Variants in MYO9A observed in about 807,000 individuals in gnomAD.
The protein encoded by MYO9A is myosin IXA.
MYO9A carries 103 observed loss-of-function variants against 293.3 expected under a neutral mutation model. The ratio of observed to expected loss-of-function variants is 0.35; its 90% CI spans 0.30 to 0.41. The LOEUF (loss-of-function observed/expected upper bound fraction) is 0.41. MYO9A is among the 10% of genes least tolerant of loss of function. The pLI is 1.00. For synonymous variants in MYO9A, 1,001 were observed against 1,035.7 expected (o/e 0.97, Z 0.64); for missense variants, 2,685 against 3,033.0 (o/e 0.89, Z 2.69).
chr15:71,991,848 G>T (rs2148413747), intron 10 of MYO9A, among the ~76,000 whole-genome samples: 1 of 152,230 alleles, frequency 6.6e-6, no homozygotes, highest in East Asian at 1.9e-4. Context: ...CTGCCACCGG[G>T]GTTCATGCGA....
In MYO9A at chr15:71,880,452, C is replaced by G; in HGVS notation, c.5505G>C (p.Lys1835Asn). Reference protein sequence around the residue: ...NKEPSPKAKRKRSVKISNVAL... With the variant: ...NKEPSPKAKRNRSVKISNVAL... ...CCACGTTGCTAATCTTCACACTTCG[C>G]TTGCGCTTAGCCTTTGGAGAAGGTT... is the stretch of plus-strand genomic sequence containing the variant. Residue 1835 changes from lysine (K) to asparagine (N), a missense_variant, in exon 29 of 42, where the codon AAG (lysine) becomes AAC (asparagine). Lys to Asn is a moderately conservative substitution (Grantham distance 94). Transcript: ENST00000356056. 1 of 1,614,210 alleles carries G rather than the reference C, an allele frequency of 6.2e-7. No individual in the cohort carries two copies. The highest frequency in any genetic ancestry group is 8.5e-7 in the Non-Finnish European group (1 of 1,180,022).
rs779842890 is a variant in MYO9A at position 71,903,996 on chromosome 15, C to T, written c.2810G>A (p.Arg937Gln). 5.0e-6 allele frequency: 8 copies of T among 1,613,836 alleles called. No individual in the cohort carries two copies. The highest frequency in any genetic ancestry group is 1.3e-5 in the African/African-American group (1 of 74,876). The change falls in exon 21 of 42, where the codon CGA becomes CAA. Residue 937 changes from arginine to glutamine, a missense_variant. Around this residue, in one of 10 missense-constraint regions of MYO9A, gnomAD observed 1,434 missense variants for 1,497.7 expected, o/e 0.96. Coordinates refer to ENST00000356056, the MANE Select transcript of MYO9A (RefSeq NM_006901.4). ...AACTGTTTCCAGCATCCCGGTGTAT[C>T]GAAGCTGTCTAAGTACCAAGACATC... ...FSDVLVLRQL[R>Q]YTGMLETVRI...
intron 7 of MYO9A, among the ~76,000 whole-genome samples, chr15:72,008,563 C>T (rs1224454528): frequency 6.6e-6 from 1 of 150,840 alleles, no homozygotes; most frequent in Non-Finnish European, 1.5e-5. Flanking sequence ...TGTGAAACAA[C>T]TTCATATGGA....
At chr15:72,115,365 C>A (rs1474802322) in intron 1 of MYO9A, among the ~76,000 whole-genome samples, 1 of 152,162 alleles carries the variant, frequency 6.6e-6, no homozygotes, top group Admixed American at 6.6e-5. Flanking sequence ...GTCACCTAAA[C>A]TGAACATGTC....
chr15:72,028,443 T>G lies in MYO9A; in HGVS notation c.936-650A>C, dbSNP rs1235776670. Among the ~76,000 whole-genome samples the G allele has an allele frequency of 5.3e-5, 8 of 150,026 alleles. 1 individual carries two copies. Among genetic ancestry groups the G allele is most frequent in the Non-Finnish European group, 1.0e-4 (7 of 67,540 alleles). On this transcript the variant is annotated intron_variant, in intron 3 of 41. Transcript: ENST00000356056. ...AGGGTGGATCACCTGAGGTCAGGAG[T>G]TCGAGACCAGCCTGACCAACATGGA...
chr15:71,898,256 C>A lies in MYO9A; in HGVS notation c.4247G>T (p.Ser1416Ile), dbSNP rs1363849318. The A allele has an allele frequency of 1.2e-6, 2 of 1,613,956 alleles. No individual in the cohort carries two copies. Among genetic ancestry groups the A allele is most frequent in the Non-Finnish European group, 1.7e-6 (2 of 1,180,020 alleles). Residue 1416 changes from serine (S) to isoleucine (I), a missense_variant, in exon 25 of 42, where the codon AGT becomes ATT. This residue lies in a region of MYO9A where 1,434 missense variants were observed against 1,497.7 expected (regional missense o/e 0.96). Coordinates refer to ENST00000356056, the MANE Select transcript of MYO9A (RefSeq NM_006901.4). ...GGGGATATAAAAAAAAGTAGGTAGA[C>A]TATTTGAAATGAAGGAGTCTTTCAG... ...PQLKDSFISNSLPTFFYIPQQ... is the reference protein window; with the variant it reads ...PQLKDSFISNILPTFFYIPQQ...
intron 34 of MYO9A, among the ~76,000 whole-genome samples, 182 bp from the exon 35 acceptor site, chr15:71,854,751 T>C (rs1024398168): frequency 6.6e-6 from 1 of 152,234 alleles, no homozygotes; most frequent in South Asian, 2.1e-4. Flanking sequence ...TCAATCCTTT[T>C]CCACCAGAAT....
At chr15:72,041,170 G>A in intron 2 of MYO9A, 1 of 1,010,668 alleles carries the variant, frequency 9.9e-7, no homozygotes, top group Non-Finnish European at 1.5e-6. Context: ...GCTTAAGCCA[G>A]GGAGGTTGAG....
chr15:71,977,707 G>C (rs1297860949), intron 12 of MYO9A, among the ~76,000 whole-genome samples: 1 of 151,974 alleles, frequency 6.6e-6, no homozygotes, highest in Non-Finnish European at 1.5e-5. Flanking sequence ...TTCAAGTAAT[G>C]AAGCCCATCC....
chr15:71,964,564 G>A (rs1362834768), intron 13 of MYO9A, among the ~76,000 whole-genome samples: 4 of 150,144 alleles, frequency 2.7e-5, no homozygotes, highest in Admixed American at 6.7e-5. Context: ...GGCGGATCAC[G>A]AGGTGAAGAA....
At chr15:71,861,266 C>G (rs892028028) in intron 33 of MYO9A, among the ~76,000 whole-genome samples, 15 of 150,786 alleles carry the variant, frequency 9.9e-5, no homozygotes, top group Admixed American at 9.3e-4. Context: ...CAGTCCTTTC[C>G]TAGTATTTGC....
intron 1 of MYO9A, among the ~76,000 whole-genome samples, chr15:72,100,787 G>A (rs1282273193): frequency 3.3e-5 from 5 of 151,160 alleles, no homozygotes; most frequent in Non-Finnish European, 7.4e-5. Context: ...TGAGAAATGA[G>A]GAGCCTCTCC....
At chr15:71,914,951 T>C (rs16956384) in intron 19 of MYO9A, among the ~76,000 whole-genome samples, 1,930 of 152,260 alleles carry the variant, frequency 0.013, 57 homozygotes, top group Admixed American at 0.058. Context: ...ACTTAACAGC[T>C]TAATAATTCT....
At chr15:72,113,075 A>T (rs940895584) in intron 1 of MYO9A, among the ~76,000 whole-genome samples, 1 of 152,158 alleles carries the variant, frequency 6.6e-6, no homozygotes. Flanking sequence ...TTCTGAACTT[A>T]TATTTTTTAA....
chr15:71,965,326 T>G (rs1048606520), intron 13 of MYO9A, among the ~76,000 whole-genome samples: 2 of 152,196 alleles, frequency 1.3e-5, no homozygotes, highest in South Asian at 2.1e-4. Flanking sequence ...AAATCTATAA[T>G]TTTTTCTTTT....
rs1567176190 is a variant in MYO9A at position 71,830,304 on chromosome 15, C to T, written c.6845G>A (p.Gly2282Glu). ...LSLIRRSMGK[G>E]RIRRGNYPGP... ...TGGATAGTTTCCTCGACGAATACGC[C>T]CCTTTCCCTGCAGAGAAAAATTCAT... The change falls in exon 40 of 42, where the codon GGG (glycine) becomes GAG (glutamate). Residue 2282 changes from glycine (G) to glutamate (E), a missense_variant. Gly to Glu is a moderately conservative substitution (Grantham distance 98, BLOSUM62 -2). Transcript: ENST00000356056. The T allele has an allele frequency of 1.2e-6, 2 of 1,613,358 alleles. No homozygotes were observed.
intron 12 of MYO9A, 33 bp downstream of exon 12, chr15:71,978,138 G>C: frequency 3.1e-6 from 5 of 1,606,778 alleles, no homozygotes; most frequent in Non-Finnish European, 4.2e-6. Flanking sequence ...AGCCAAAACA[G>C]CCAATAACAA....
intron 1 of MYO9A, among the ~76,000 whole-genome samples, chr15:72,089,326 C>G (rs2079835216): frequency 6.6e-6 from 1 of 152,044 alleles, no homozygotes; most frequent in Non-Finnish European, 1.5e-5. Context: ...CCACACCTGG[C>G]TAATTTTTTA....
At chr15:72,032,975 C>A (rs568910881) in intron 2 of MYO9A, among the ~76,000 whole-genome samples, 1 of 152,030 alleles carries the variant, frequency 6.6e-6, no homozygotes, top group African/African-American at 2.4e-5. Flanking sequence ...CTCAGCCTCC[C>A]GAGTAGCTGG....
Sources: allele counts gnomAD v4.1 joint callset (sites outside exome capture counted in the v4.1 genomes callset), GRCh38; gene constraint gnomAD v4.1.1; regional missense constraint gnomAD v4.1.1; transcripts MANE v1.5; gene names NCBI Gene and HGNC (gene_info 2026-07-23, HGNC 2026-07-21).